Variants in NFILZ observed in about 807,000 individuals in gnomAD.
NFILZ encodes NFIL3 like basic leucine zipper.
intron 4 of NFILZ, among the ~76,000 whole-genome samples, chr19:8,676,132 T>C (rs545872038): frequency 2.6e-5 from 4 of 151,920 alleles, no homozygotes; most frequent in Non-Finnish European, 5.9e-5. Context: ...GATGGTGAGT[T>C]GGGTAGAGGG....
intron 3 of NFILZ, among the ~76,000 whole-genome samples, chr19:8,642,200 G>A (rs79700487): frequency 0.011 from 1,594 of 150,126 alleles, 27 homozygotes; most frequent in African/African-American, 0.036. Flanking sequence ...GTAGACCCGA[G>A]TTGATTCTTT....
chr19:8,665,341 A>T (rs1048734570), intron 3 of NFILZ, among the ~76,000 whole-genome samples: 1 of 152,156 alleles, frequency 6.6e-6, no homozygotes, highest in Non-Finnish European at 1.5e-5. Flanking sequence ...TCTTTCATGA[A>T]GTAAAAAATG....
rs2043124005 is a variant in NFILZ, at chr19:8,678,107, A to ATTCATCCACTTG, written c.*473_*474insTCATCCACTTGT. Among the ~76,000 whole-genome samples the ATTCATCCACTTG allele has an allele frequency of 1.0e-5, 1 of 97,746 alleles. No homozygotes were observed. The highest frequency in any genetic ancestry group is 4.3e-5 in the African/African-American group (1 of 23,388). The allele number at this position is 97,746 out of a possible 152,430, so 64.1% of individuals were successfully genotyped here. A position where few individuals can be genotyped will look rare whatever the true frequency, so the allele number is the denominator to read the frequency against. On this transcript the variant is annotated 3_prime_UTR_variant, in exon 6 of 6. Transcript: ENST00000691075. Reference sequence around the variant, plus strand: ...ATCCATCCATTCCATCCATCCATCCATCCATCCATCCATCCATCCCTCCAT... The same window carrying ATTCATCCACTTG: ...ATCCATCCATTCCATCCATCCATCCATTCATCCACTTGTCCATCCATCCATCCATCCCTCCAT...
intron 3 of NFILZ, among the ~76,000 whole-genome samples, chr19:8,658,911 C>T (rs190339635): frequency 9.2e-4 from 140 of 152,222 alleles, no homozygotes; most frequent in African/African-American, 3.3e-3. Context: ...GATTGCACCA[C>T]TGCACTCCAG....
chr19:8,630,958 G>C (rs797038879), intron 1 of NFILZ, among the ~76,000 whole-genome samples: 4 of 152,278 alleles, frequency 2.6e-5, no homozygotes, highest in African/African-American at 9.6e-5. Context: ...TGCCCGGGTC[G>C]TGTTGCATGG....
intron 3 of NFILZ, among the ~76,000 whole-genome samples, chr19:8,671,584 C>T (rs1028904545): frequency 2.6e-5 from 4 of 152,130 alleles, no homozygotes; most frequent in Non-Finnish European, 4.4e-5. Flanking sequence ...TTGGGCATTG[C>T]TGATTCTGGT....
At chr19:8,667,147 C>A (rs531980656) in intron 3 of NFILZ, among the ~76,000 whole-genome samples, 3 of 152,188 alleles carry the variant, frequency 2.0e-5, no homozygotes, top group African/African-American at 7.2e-5. Flanking sequence ...CAGTTCAGCA[C>A]CAGCCTTACA....
chr19:8,657,187 C>T (rs1192274488), intron 3 of NFILZ, among the ~76,000 whole-genome samples: 1 of 151,710 alleles, frequency 6.6e-6, no homozygotes, highest in East Asian at 1.9e-4. Context: ...ACTCTGTCAC[C>T]AGGCTGGAGT....
intron 3 of NFILZ, among the ~76,000 whole-genome samples, chr19:8,644,578 A>G (rs981238072): frequency 6.6e-6 from 1 of 151,872 alleles, no homozygotes; most frequent in Admixed American, 6.6e-5. Flanking sequence ...CTTCTGCCTC[A>G]GCCTCCTGAG....
intron 3 of NFILZ, among the ~76,000 whole-genome samples, chr19:8,664,535 A>C (rs559400454): frequency 4.8e-4 from 73 of 152,186 alleles, no homozygotes; most frequent in Non-Finnish European, 3.1e-4. Context: ...TTCCCCTTGA[A>C]GACTGAGTTC....
Position 8,678,029 on chromosome 19 carries a change from T to TATCC in NFILZ, c.*416_*419dup, listed in dbSNP as rs1201605257. Among the ~76,000 whole-genome samples, 33 of 83,862 alleles carry TATCC rather than the reference T, an allele frequency of 3.9e-4. 3 individuals carry two copies. The highest frequency in any genetic ancestry group is 9.9e-4 in the South Asian group (3 of 3,036). 55.0% of individuals were successfully genotyped at this position (83,862 alleles called of 152,430 possible). A position where few individuals can be genotyped will look rare whatever the true frequency, so the allele number is the denominator to read the frequency against. ...ATTAGTCCCTCCATCCTTATCCATC[T>TATCC]ATCCATCCATCCATCCATCCATCCA... is the stretch of plus-strand genomic sequence containing the variant. On this transcript the variant is annotated 3_prime_UTR_variant, in exon 6 of 6. Coordinates refer to ENST00000691075, the MANE Select transcript of NFILZ (RefSeq NM_001378600.1).
intron 3 of NFILZ, among the ~76,000 whole-genome samples, chr19:8,655,084 G>A (rs2042986302): frequency 6.6e-6 from 1 of 152,096 alleles, no homozygotes; most frequent in African/African-American, 2.4e-5. Context: ...TCTTCCTGGG[G>A]GCATACCACT....
chr19:8,653,059 T>C (rs1465079258), intron 3 of NFILZ, among the ~76,000 whole-genome samples: 6 of 131,212 alleles, frequency 4.6e-5, no homozygotes, highest in East Asian at 2.8e-4. Context: ...TCTCTCTCTC[T>C]CTCTCTCTCT....
At chr19:8,647,576 AC>A (rs71179874) in intron 3 of NFILZ, among the ~76,000 whole-genome samples, 1,741 of 107,658 alleles carry the variant, frequency 0.016, 30 homozygotes, top group East Asian at 0.08. Flanking sequence ...CTGTCCCCGC[AC>A]CCCCCCCCCC....
In NFILZ at chr19:8,631,867, T is replaced by TTTTG. The variant is rs1166950716; in HGVS notation, c.-410-597_-410-594dup. Among the ~76,000 whole-genome samples the TTTTG allele has an allele frequency of 7.3e-5, 11 of 149,922 alleles. 1 individual carries two copies. The highest frequency in any genetic ancestry group is 6.7e-4 in the Admixed American group (10 of 15,018). ...GTGTGTGTGTGTGTGTGTGTGTGTG[T>TTTTG]TTTGTTTGTTTGTTTTTTTGAGATG... On this transcript the variant is annotated intron_variant, in intron 1 of 5. Transcript: ENST00000691075.
chr19:8,660,101 G>T (rs558697290), intron 3 of NFILZ, among the ~76,000 whole-genome samples: 1 of 152,170 alleles, frequency 6.6e-6, no homozygotes, highest in Admixed American at 6.5e-5. Context: ...CCTGCTCACA[G>T]TTCAGGCCAC....
In NFILZ at chr19:8,678,099, A is replaced by T. The variant is rs2043123582; in HGVS notation, c.*464A>T. 2.3e-5 allele frequency among the ~76,000 whole-genome samples: 3 copies of T among 128,842 alleles called. No individual in the cohort carries two copies. The highest frequency in any genetic ancestry group is 3.2e-5 in the Non-Finnish European group (2 of 62,530). The allele number at this position is 128,842 out of a possible 152,430, so 84.5% of individuals were successfully genotyped here. A position where few individuals can be genotyped will look rare whatever the true frequency, so the allele number is the denominator to read the frequency against. ...ATCAATCCATCCATCCATTCCATCC[A>T]TCCATCCATCCATCCATCCATCCAT... On this transcript the variant is annotated 3_prime_UTR_variant, in exon 6 of 6. Transcript: ENST00000691075.
chr19:8,653,774 G>GA (rs1207125247), intron 3 of NFILZ, among the ~76,000 whole-genome samples: 104 of 152,200 alleles, frequency 6.8e-4, no homozygotes, highest in African/African-American at 2.4e-3. Flanking sequence ...AAGCTATGAG[G>GA]ATGCAAACGC....
intron 3 of NFILZ, among the ~76,000 whole-genome samples, chr19:8,658,652 A>G (rs1286036638): frequency 9.1e-5 from 11 of 120,958 alleles, no homozygotes; most frequent in Non-Finnish European, 1.4e-4. Context: ...GTCTGGGGTG[A>G]TGAGAGGATT....
Sources: gnomAD v4.1 joint callset for allele counts (sites outside exome capture counted in the v4.1 genomes callset) on GRCh38, gnomAD v4.1.1 for gene constraint, MANE v1.5 for transcripts, NCBI Gene and HGNC (gene_info 2026-07-23, HGNC 2026-07-21) for gene names.